ADCY2: variants seen among roughly 807,000 people sequenced by gnomAD.
ADCY2 encodes the protein adenylate cyclase type 2.
In ADCY2, 31 loss-of-function variants were observed where a neutral mutation model predicts 125.2. That is an observed-to-expected ratio of 0.25 (90% CI 0.19 to 0.33). The LOEUF is 0.33. Among genes scored for constraint, ADCY2 ranks in the 10% least tolerant of loss-of-function variants. ADCY2 has a pLI of 1.00. For missense variants in ADCY2, 904 were observed against 1,418.2 expected, an observed-to-expected ratio of 0.64 and a Z score of 5.82; for synonymous variants, 512 against 548.4, an observed-to-expected ratio of 0.93 and a Z score of 0.93.
chr5:7,688,229 C>T (rs962181512), intron 4 of ADCY2, among the ~76,000 whole-genome samples: 1 of 151,822 alleles, frequency 6.6e-6, no homozygotes, highest in African/African-American at 2.4e-5. Context: ...CTCCTCTGTT[C>T]ATGTCTGAGG....
chr5:7,695,627 C>A (rs562797165), intron 5 of ADCY2, 125 bp from the exon 6 acceptor site: 115 of 484,194 alleles, frequency 2.4e-4, no homozygotes, highest in African/African-American at 2.1e-3. Flanking sequence ...AGAAAATGAC[C>A]TCTTACTCAT....
intron 15 of ADCY2, chr5:7,746,141 T>G (rs1289823065): frequency 6.6e-6 from 1 of 152,446 alleles, no homozygotes; most frequent in African/African-American, 2.4e-5. Context: ...TGCTAGAAAG[T>G]TCTTTTTGAC....
At chr5:7,573,376 G>A (rs1417823617) in intron 3 of ADCY2, among the ~76,000 whole-genome samples, 1 of 152,122 alleles carries the variant, frequency 6.6e-6, no homozygotes, top group South Asian at 2.1e-4. Context: ...AGGATTGAAG[G>A]TGTTTTCCGT....
At chr5:7,459,828 C>T in intron 2 of ADCY2, among the ~76,000 whole-genome samples, 1 of 130,538 alleles carries the variant, frequency 7.7e-6, no homozygotes, top group South Asian at 2.4e-4. Flanking sequence ...GCTCTCTCGC[C>T]CAGGCTGGAG....
intron 2 of ADCY2, among the ~76,000 whole-genome samples, chr5:7,495,303 A>G (rs1451736112): frequency 6.6e-6 from 1 of 152,156 alleles, no homozygotes; most frequent in Admixed American, 6.5e-5. Context: ...GTGCCAGGAA[A>G]CGCCTGTATC....
chr5:7,542,639 C>T lies in ADCY2; in HGVS notation c.570+21740C>T, dbSNP rs193273683. On this transcript the variant is annotated intron_variant, in intron 3 of 24. Coordinates refer to ENST00000338316, the MANE Select transcript of ADCY2 (RefSeq NM_020546.3). Reference sequence around the variant, plus strand: ...GCAGTATGGCTATGAAATGATAGCACCCTGGCATTCGCCACGCAGCAGCGC... The same window carrying T: ...GCAGTATGGCTATGAAATGATAGCATCCTGGCATTCGCCACGCAGCAGCGC... Among the ~76,000 whole-genome samples the T allele has an allele frequency of 1.2e-4, 18 of 152,322 alleles. 1 individual carries two copies. In the East Asian group the frequency reaches 3.1e-3, roughly 26 times the overall value.
chr5:7,813,635 G>T (rs974595190), intron 22 of ADCY2, among the ~76,000 whole-genome samples: 2 of 152,174 alleles, frequency 1.3e-5, no homozygotes, highest in East Asian at 3.8e-4. Flanking sequence ...GAAATGAATT[G>T]AGTTCTTCTA....
intron 3 of ADCY2, among the ~76,000 whole-genome samples, chr5:7,580,172 G>A (rs1404608104): frequency 6.6e-6 from 1 of 151,990 alleles, no homozygotes; most frequent in Non-Finnish European, 1.5e-5. Context: ...GTGATGATGG[G>A]ATCAACTGTA....
intron 1 of ADCY2, among the ~76,000 whole-genome samples, chr5:7,402,756 T>C (rs1739311662): frequency 6.6e-6 from 1 of 152,212 alleles, no homozygotes; most frequent in Non-Finnish European, 1.5e-5. Context: ...GTTGAGTAAA[T>C]AATTTATTGC....
intron 2 of ADCY2, among the ~76,000 whole-genome samples, chr5:7,442,712 C>G (rs1741060303): frequency 6.6e-6 from 1 of 152,122 alleles, no homozygotes; most frequent in Non-Finnish European, 1.5e-5. Flanking sequence ...GGAACTTTCA[C>G]TTATGAGTAG....
chr5:7,508,293 A>G (rs573026906), intron 2 of ADCY2, among the ~76,000 whole-genome samples: 2 of 152,298 alleles, frequency 1.3e-5, no homozygotes, highest in East Asian at 3.9e-4. Context: ...TGCTCTGATA[A>G]ATAATACTGA....
intron 2 of ADCY2, among the ~76,000 whole-genome samples, chr5:7,483,354 A>C (rs1037826192): frequency 1.3e-5 from 2 of 152,020 alleles, no homozygotes; most frequent in African/African-American, 4.8e-5. Flanking sequence ...AAGAATTTGC[A>C]GGTTAGGTAA....
At chr5:7,426,016 G>T (rs1240035836) in intron 2 of ADCY2, among the ~76,000 whole-genome samples, 1 of 152,160 alleles carries the variant, frequency 6.6e-6, no homozygotes, top group Non-Finnish European at 1.5e-5. Context: ...CAACCCCCAG[G>T]CGAGAAACAA....
chr5:7,620,168 G>GA lies in ADCY2; in HGVS notation c.571-5994dup, dbSNP rs1168850161. On this transcript the variant is annotated intron_variant, in intron 3 of 24. Coordinates refer to ENST00000338316, the MANE Select transcript of ADCY2 (RefSeq NM_020546.3). ...TAGCCCTTCAGTCCAAATATATCTG[G>GA]AAAAATAACATGATGCCTGCTATTC... is the stretch of plus-strand genomic sequence containing the variant. 1.1e-4 allele frequency among the ~76,000 whole-genome samples: 17 copies of GA among 152,106 alleles called. 1 individual carries two copies. In the East Asian group the frequency reaches 2.9e-3, roughly 26 times the overall value.
At chr5:7,411,644 G>A (rs1739721199) in intron 1 of ADCY2, among the ~76,000 whole-genome samples, 1 of 152,022 alleles carries the variant, frequency 6.6e-6, no homozygotes, top group Non-Finnish European at 1.5e-5. Flanking sequence ...ATCACATCTC[G>A]GGGATCTGAT....
intron 6 of ADCY2, 143 bp downstream of exon 6, chr5:7,696,006 A>G (rs1376837609): frequency 2.5e-5 from 14 of 559,378 alleles, no homozygotes; most frequent in Non-Finnish European, 4.2e-5. Context: ...TTTCTTTGCT[A>G]TTGATCTTTC....
intron 15 of ADCY2, among the ~76,000 whole-genome samples, chr5:7,747,887 T>C (rs560592129): frequency 9.7e-4 from 148 of 152,362 alleles, no homozygotes; most frequent in East Asian, 5.8e-4. Context: ...CTTGAAGGAA[T>C]GTTGGGTTGC....
At chr5:7,624,057 A>G (rs1459476693) in intron 3 of ADCY2, among the ~76,000 whole-genome samples, 1 of 152,206 alleles carries the variant, frequency 6.6e-6, no homozygotes, top group African/African-American at 2.4e-5. Context: ...GTTACATGGA[A>G]CAGCCTTGAA....
At chr5:7,815,124 C>T (rs465947) in intron 22 of ADCY2, among the ~76,000 whole-genome samples, 1 of 152,170 alleles carries the variant, frequency 6.6e-6, no homozygotes, top group Non-Finnish European at 1.5e-5. Context: ...AAAGCCTAAC[C>T]AGTCCGTGTC....
Sources: gnomAD v4.1 joint callset for allele counts (sites outside exome capture counted in the v4.1 genomes callset) on GRCh38, gnomAD v4.1.1 for gene constraint, MANE v1.5 for transcripts, NCBI Gene and HGNC (gene_info 2026-07-23, HGNC 2026-07-21) for gene names.